ADAMTS14: variants seen among roughly 807,000 people sequenced by gnomAD.
ADAMTS14 encodes ADAM metallopeptidase with thrombospondin type 1 motif 14.
A neutral mutation model predicts 128.6 loss-of-function variants in ADAMTS14; 100 were observed. The observed-to-expected ratio is 0.78, with a 90% CI of 0.66 to 0.92. The LOEUF is 0.92. ADAMTS14 is among the 40% of genes least tolerant of loss of function. The pLI is 0.00. For synonymous variants in ADAMTS14, 665 were observed against 653.8 expected (o/e 1.02, Z -0.26); for missense variants, 1,562 against 1,658.6 (o/e 0.94, Z 1.01).
chr10:70,736,882 A>G (rs2132692720), intron 10 of ADAMTS14, 89 bp downstream of exon 10: 1 of 1,202,050 alleles, frequency 8.3e-7, no homozygotes, highest in Non-Finnish European at 1.2e-6. Context: ...GTGAACCCTG[A>G]CCCCTCCCTC....
chr10:70,736,663 A>C lies in ADAMTS14; in HGVS notation c.1486-17A>C. On this transcript the variant is annotated splice_polypyrimidine_tract_variant and intron_variant, in intron 9 of 21. Transcript: ENST00000373207. The stretch of plus-strand genomic sequence containing the variant: ...AGAGCCAGTCCAGTCTGGTGACCCC[A>C]TTCCCTTGCCATGCAGTTCAGGACC... 6.2e-7 allele frequency: 1 copy of C among 1,611,444 alleles called. No homozygotes were observed. Among genetic ancestry groups the C allele is most frequent in the East Asian group, 2.2e-5 (1 of 44,824 alleles).
chr10:70,696,518 G>A (rs947365580), intron 2 of ADAMTS14, among the ~76,000 whole-genome samples: 3 of 152,184 alleles, frequency 2.0e-5, no homozygotes, highest in African/African-American at 7.2e-5. Context: ...CACGCGTGGA[G>A]TAAGTGGATG....
chr10:70,760,981 C>A lies in ADAMTS14; in HGVS notation c.*128C>A. ...CATTTTAAATCATTCGCCTTCTTCT[C>A]GTTTGGGGCTGTGATGCTCTTTACC... On this transcript the variant is annotated 3_prime_UTR_variant, in exon 22 of 22. Coordinates refer to ENST00000373207, the MANE Select transcript of ADAMTS14 (RefSeq NM_080722.4). 11 of 1,313,738 alleles carry A rather than the reference C, an allele frequency of 8.4e-6. No individual in the cohort carries two copies. Among genetic ancestry groups the A allele is most frequent in the Non-Finnish European group, 1.0e-5 (10 of 996,050 alleles). 81.4% of individuals were successfully genotyped at this position (1,313,738 alleles called of 1,614,324 possible). A position where few individuals can be genotyped will look rare whatever the true frequency, so the allele number is the denominator to read the frequency against.
chr10:70,756,452 C>T (rs1358069381), intron 19 of ADAMTS14, among the ~76,000 whole-genome samples: 1 of 152,198 alleles, frequency 6.6e-6, no homozygotes, highest in Non-Finnish European at 1.5e-5. Flanking sequence ...GTGGAAGATA[C>T]TGGCCCTGTC....
rs1248739549 is a variant in ADAMTS14, at chr10:70,674,794, C to A, written c.321C>A (p.Tyr107Ter). Residue 107 changes from tyrosine to a stop codon, truncating the protein, a stop_gained, in exon 2 of 22, where the codon TAC (tyrosine) becomes TAA (stop). Transcript: ENST00000373207. LOFTEE classifies it high-confidence loss of function. ...GCAGGGTGGGGCGCCACTCCCTCTA[C>A]TTCAATGTCACTGTTTTCGGGAAGG... ...WPGRVGRHSLYFNVTVFGKEL... is the reference protein window; with the variant it reads ...WPGRVGRHSL 1 of 1,613,756 alleles carries A rather than the reference C, an allele frequency of 6.2e-7. No individual in the cohort carries two copies. The highest frequency in any genetic ancestry group is 2.2e-5 in the East Asian group (1 of 44,880).
At chr10:70,745,574 G>A in intron 15 of ADAMTS14, 1 of 480,368 alleles carries the variant, frequency 2.1e-6, no homozygotes, top group South Asian at 2.1e-5. Flanking sequence ...TCTTCCCTAA[G>A]GGCAACTACT....
chr10:70,738,161 T>C (rs1841884532), intron 10 of ADAMTS14, among the ~76,000 whole-genome samples: 1 of 152,014 alleles, frequency 6.6e-6, no homozygotes, highest in South Asian at 2.1e-4. Flanking sequence ...CCCAGAGAGC[T>C]TTGTGCATTT....
chr10:70,759,191 CTT>C (rs1446244704), intron 21 of ADAMTS14, among the ~76,000 whole-genome samples: 2 of 126,410 alleles, frequency 1.6e-5, no homozygotes, highest in Non-Finnish European at 3.3e-5. Flanking sequence ...TGCCGTCTTC[CTT>C]CCCAAAGCAA....
At chr10:70,729,563 G>A (rs1188277075) in intron 5 of ADAMTS14, among the ~76,000 whole-genome samples, 186 bp downstream of exon 5, 3 of 152,070 alleles carry the variant, frequency 2.0e-5, no homozygotes, top group African/African-American at 7.2e-5. Flanking sequence ...AGCAATTTAT[G>A]GTTTCCTACA....
Position 70,761,090 on chromosome 10 carries a change from A to C in ADAMTS14, c.*237A>C. On this transcript the variant is annotated 3_prime_UTR_variant, in exon 22 of 22. Transcript: ENST00000373207. ...CAGCAAGCTGCCCCCGGCGGGACTG[A>C]CCCTCTCAGGGCCCCTGTTGGTCTC... 1.8e-6 allele frequency: 1 copy of C among 540,832 alleles called. No homozygotes were observed. Among genetic ancestry groups the C allele is most frequent in the Non-Finnish European group, 3.0e-6 (1 of 329,502 alleles). 33.5% of individuals were successfully genotyped at this position (540,832 alleles called of 1,614,324 possible). A position where few individuals can be genotyped will look rare whatever the true frequency, so the allele number is the denominator to read the frequency against.
intron 1 of ADAMTS14, among the ~76,000 whole-genome samples, chr10:70,673,724 A>C: frequency 6.6e-6 from 1 of 151,896 alleles, no homozygotes; most frequent in East Asian, 1.9e-4. Flanking sequence ...TGTGGAAATG[A>C]AAATTCCTCC....
At chr10:70,755,457 G>A (rs1262082226) in intron 19 of ADAMTS14, among the ~76,000 whole-genome samples, 1 of 152,206 alleles carries the variant, frequency 6.6e-6, no homozygotes, top group East Asian at 1.9e-4. Flanking sequence ...AGGAGTTTCA[G>A]TTGGGAAAGA....
intron 4 of ADAMTS14, among the ~76,000 whole-genome samples, chr10:70,727,919 C>T (rs528590754): frequency 1.3e-5 from 2 of 152,002 alleles, no homozygotes; most frequent in Non-Finnish European, 2.9e-5. Flanking sequence ...CACGGTGAAA[C>T]CCCGTCTCTA....
intron 2 of ADAMTS14, among the ~76,000 whole-genome samples, chr10:70,675,519 G>A (rs1392514058): frequency 6.6e-6 from 1 of 152,120 alleles, no homozygotes; most frequent in Non-Finnish European, 1.5e-5. Flanking sequence ...CACAGTTAGC[G>A]GCTGCTATTA....
At chr10:70,737,955 G>A (rs559574718) in intron 10 of ADAMTS14, among the ~76,000 whole-genome samples, 2 of 152,286 alleles carry the variant, frequency 1.3e-5, no homozygotes, top group African/African-American at 4.8e-5. Flanking sequence ...AAAAGTCATC[G>A]CATTGCATAC....
chr10:70,675,515 T>A (rs923690165), intron 2 of ADAMTS14, among the ~76,000 whole-genome samples: 12 of 152,146 alleles, frequency 7.9e-5, no homozygotes, highest in African/African-American at 2.7e-4. Context: ...TGGGCACAGT[T>A]AGCGGCTGCT....
chr10:70,711,268 C>T (rs1378586860), intron 4 of ADAMTS14, among the ~76,000 whole-genome samples: 1 of 152,240 alleles, frequency 6.6e-6, no homozygotes, highest in Non-Finnish European at 1.5e-5. Flanking sequence ...ACTCCTATCC[C>T]CATCCATGGC....
intron 4 of ADAMTS14, among the ~76,000 whole-genome samples, chr10:70,722,491 C>T (rs530149008): frequency 6.6e-6 from 1 of 152,280 alleles, no homozygotes; most frequent in South Asian, 2.1e-4. Flanking sequence ...GGCAAGCTTC[C>T]GTATACCTTT....
At chr10:70,722,022 G>A (rs936017195) in intron 4 of ADAMTS14, among the ~76,000 whole-genome samples, 2 of 152,224 alleles carry the variant, frequency 1.3e-5, no homozygotes, top group African/African-American at 4.8e-5. Context: ...GCCTCTGATA[G>A]TTTGTTACCT....
Sources: gnomAD v4.1 joint callset for allele counts (sites outside exome capture counted in the v4.1 genomes callset) on GRCh38, gnomAD v4.1.1 for gene constraint, MANE v1.5 for transcripts, NCBI Gene and HGNC (gene_info 2026-07-23, HGNC 2026-07-21) for gene names.